Variants in MAN2B2 observed in about 807,000 individuals in gnomAD.
MAN2B2 encodes the protein mannosidase alpha class 2B member 2.
Under a neutral mutation model 117.1 loss-of-function variants are expected in MAN2B2, and 106 were observed. The ratio of observed to expected loss-of-function variants is 0.90; its 90% CI spans 0.77 to 1.06. MAN2B2 has a LOEUF of 1.06. Ranked by LOEUF, MAN2B2 falls within the 50% of genes least tolerant of loss-of-function variation. MAN2B2 has a pLI of 0.00. For missense variants in MAN2B2, 1,326 were observed against 1,381.4 expected (o/e 0.96, Z 0.64); for synonymous variants, 544 against 595.1 (o/e 0.91, Z 1.25).
chr4:6,577,261 C>G (rs1025457534), intron 2 of MAN2B2, among the ~76,000 whole-genome samples: 2 of 152,294 alleles, frequency 1.3e-5, no homozygotes, highest in African/African-American at 4.8e-5. Flanking sequence ...CCCTGCGAGC[C>G]ACAGATTCCA....
At chr4:6,613,347 G>A (rs1577295047) in intron 15 of MAN2B2, among the ~76,000 whole-genome samples, 2 of 152,058 alleles carry the variant, frequency 1.3e-5, no homozygotes, top group Admixed American at 1.3e-4. Flanking sequence ...CCAGCACTTC[G>A]GGAGGGCAAG....
rs79274555 is a variant in MAN2B2 at position 6,605,195 on chromosome 4, G to A, written c.1680G>A (p.Ala560=). The A allele has an allele frequency of 1.8e-3, 2,913 of 1,614,190 alleles. 31 individuals are homozygous for A. In the African/African-American group the frequency reaches 0.029, roughly 16 times the overall value. ...EGTQEPAATV[A]STLQFGRRLR... ...CCCAGGAGCCGGCTGCCACTGTGGC[G>A]AGCACCCTTCAATTTGGCCGCAGGC... is the stretch of plus-strand genomic sequence containing the variant. Residue 560 remains alanine (A), a synonymous_variant, in exon 11 of 19, where the codon GCG becomes GCA. Coordinates refer to ENST00000285599, the MANE Select transcript of MAN2B2 (RefSeq NM_015274.3).
Position 6,619,762 on chromosome 4 carries a change from A to T in MAN2B2, c.2815-165A>T, listed in dbSNP as rs191762180. The T allele has an allele frequency of 1.1e-3, 731 of 655,968 alleles. 9 individuals carry two copies. Among genetic ancestry groups the T allele is most frequent in the South Asian group, 0.01 (604 of 58,016 alleles). The allele number at this position is 655,968 out of a possible 1,614,324, so 40.6% of individuals were successfully genotyped here. On this transcript the variant is annotated intron_variant, in intron 17 of 18. Transcript: ENST00000285599. ...TACACGGCCAGTCCTGTCCTCGCAG[A>T]TGTGCTGTGAGAAGCAGATGAGGGA...
intron 3 of MAN2B2, among the ~76,000 whole-genome samples, chr4:6,578,762 G>T (rs1726166569): frequency 6.6e-6 from 1 of 152,094 alleles, no homozygotes; most frequent in South Asian, 2.1e-4. Context: ...ACCCTGGAAA[G>T]GAATGTAACT....
chr4:6,610,164 T>C (rs1727714850), intron 13 of MAN2B2, 114 bp downstream of exon 13: 17 of 1,446,470 alleles, frequency 1.2e-5, no homozygotes, highest in Non-Finnish European at 1.6e-5. Context: ...AATGTTTTTT[T>C]CCTTTTTTTT....
chr4:6,620,053 A>C lies in MAN2B2; in HGVS notation c.2932+9A>C. ...GCCTGGCCGCCACAGAGGTTTGGGG[A>C]CCCCCGCTTCAGCTCCCTACCCAGG... On this transcript the variant is annotated intron_variant, in intron 18 of 18. Coordinates refer to ENST00000285599, the MANE Select transcript of MAN2B2 (RefSeq NM_015274.3). 1 of 1,601,994 alleles carries C rather than the reference A, an allele frequency of 6.2e-7. No homozygotes were observed.
intron 4 of MAN2B2, 28 bp from the exon 5 acceptor site, chr4:6,589,017 C>T: frequency 1.3e-6 from 2 of 1,573,916 alleles, no homozygotes; most frequent in Non-Finnish European, 1.7e-6. Context: ...GTGGCCCCTC[C>T]AGCCTCATTC....
chr4:6,586,444 G>A (rs1225433180), intron 3 of MAN2B2, among the ~76,000 whole-genome samples: 2 of 152,148 alleles, frequency 1.3e-5, no homozygotes, highest in Admixed American at 6.5e-5. Context: ...GACCTCCATA[G>A]CATCATCAAA....
chr4:6,590,468 TC>T lies in MAN2B2; in HGVS notation c.680+1309del, dbSNP rs150340146. ...CCTTCCTGGCCATGACAGGTCCCCT[TC>T]TGCTCTCGCCTCGCCTGTCCGTACC... On this transcript the variant is annotated intron_variant, in intron 5 of 18. Transcript: ENST00000285599. 6.5e-3 allele frequency among the ~76,000 whole-genome samples: 986 copies of T among 152,266 alleles called. 12 individuals carry two copies. The highest frequency in any genetic ancestry group is 0.022 in the African/African-American group (930 of 41,550).
intron 15 of MAN2B2, among the ~76,000 whole-genome samples, chr4:6,611,679 A>C (rs1711567977): frequency 6.6e-6 from 1 of 152,218 alleles, no homozygotes; most frequent in Admixed American, 6.5e-5. Context: ...CTGTAATGCC[A>C]GCTACACGGG....
chr4:6,609,013 C>G (rs1727652509), intron 11 of MAN2B2, 94 bp from the exon 12 acceptor site: 1 of 1,241,398 alleles, frequency 8.1e-7, no homozygotes, highest in South Asian at 1.5e-5. Context: ...ACGCAGGCCA[C>G]TCAGATGGCA....
intron 3 of MAN2B2, among the ~76,000 whole-genome samples, chr4:6,584,791 G>C (rs148104057): frequency 7.9e-5 from 12 of 152,304 alleles, no homozygotes; most frequent in African/African-American, 2.9e-4. Flanking sequence ...ACCAATATCT[G>C]ACAGGAGGGA....
intron 2 of MAN2B2, 118 bp from the exon 3 acceptor site, chr4:6,578,274 TA>T: frequency 1.4e-6 from 1 of 700,968 alleles, no homozygotes; most frequent in East Asian, 2.7e-5. Flanking sequence ...TTTTATAGAG[TA>T]AGCAAGGGTG....
rs1216147552 is a variant in MAN2B2 at position 6,622,371 on chromosome 4, G to A, written c.*1086G>A. The A allele has an allele frequency of 6.6e-6, 1 of 152,030 alleles. No individual in the cohort carries two copies. The allele number at this position is 152,030 out of a possible 1,614,324, so 9.4% of individuals were successfully genotyped here. On this transcript the variant is annotated 3_prime_UTR_variant, in exon 19 of 19. Coordinates refer to ENST00000285599, the MANE Select transcript of MAN2B2 (RefSeq NM_015274.3). ...GTTGCACAACTTTGTGAATATACTA[G>A]AAACCAATGAATTAAAAACTTTGGA...
chr4:6,605,886 T>C (rs1727525965), intron 11 of MAN2B2, among the ~76,000 whole-genome samples: 1 of 149,484 alleles, frequency 6.7e-6, no homozygotes, highest in Non-Finnish European at 1.5e-5. Flanking sequence ...TACCCATTCA[T>C]CCATCCATCC....
rs572099574 is a variant in MAN2B2 at position 6,610,200 on chromosome 4, A to C, written c.2259+150A>C. On this transcript the variant is annotated intron_variant, in intron 13 of 18. Transcript: ENST00000285599. ...AAGATGGAGTCTCACTCTGTCACCC[A>C]GGCTGGGGCGCAATGGAGCGATCTT... 8.4e-6 allele frequency: 10 copies of C among 1,193,376 alleles called. No individual in the cohort carries two copies. In the South Asian group the frequency reaches 9.5e-5, roughly 11 times the overall value. The allele number at this position is 1,193,376 out of a possible 1,614,324, so 73.9% of individuals were successfully genotyped here. A position where few individuals can be genotyped will look rare whatever the true frequency, so the allele number is the denominator to read the frequency against.
chr4:6,576,874 A>G, intron 2 of MAN2B2, 150 bp downstream of exon 2: 1 of 794,820 alleles, frequency 1.3e-6, no homozygotes, highest in Non-Finnish European at 2.0e-6. Context: ...AGCCTTGTTT[A>G]GATCAAGGTT....
At chr4:6,597,071 G>A in intron 7 of MAN2B2, 42 bp from the exon 8 acceptor site, 2 of 1,578,972 alleles carry the variant, frequency 1.3e-6, no homozygotes, top group South Asian at 1.1e-5. Flanking sequence ...CAGACTTCTG[G>A]GTCATGCCGT....
Position 6,594,430 on chromosome 4 carries a change from T to A in MAN2B2, c.859-104T>A. On this transcript the variant is annotated intron_variant, in intron 6 of 18. Transcript: ENST00000285599. ...TGGTTTGGGGCCCCTGTTGGCCGCC[T>A]TGGAGACTGGGAGGGCAGCTGGTGG... The A allele has an allele frequency of 5.7e-6, 7 of 1,221,076 alleles. No homozygotes were observed. In the South Asian group the frequency reaches 9.0e-5, roughly 16 times the overall value. 75.6% of individuals were successfully genotyped at this position (1,221,076 alleles called of 1,614,324 possible).
Sources: allele counts gnomAD v4.1 joint callset (sites outside exome capture counted in the v4.1 genomes callset), GRCh38; gene constraint gnomAD v4.1.1; transcripts MANE v1.5; gene names NCBI Gene and HGNC (gene_info 2026-07-23, HGNC 2026-07-21).